The following FBLN2 variants were observed in gnomAD, a reference collection of about 807,000 sequenced individuals.
The protein encoded by FBLN2 is fibulin-2.
FBLN2 carries 81 observed loss-of-function variants against 123.7 expected under a neutral mutation model. The ratio of observed to expected loss-of-function variants is 0.65; its 90% CI spans 0.55 to 0.79. FBLN2 has a LOEUF of 0.79. Among genes scored for constraint, FBLN2 ranks in the 30% least tolerant of loss-of-function variants. The pLI, the probability that FBLN2 is intolerant of heterozygous loss-of-function variation, is 0.00. For synonymous variants in FBLN2, 699 were observed against 701.4 expected (o/e 1.00, Z 0.05); for missense variants, 1,603 against 1,681.3 (o/e 0.95, Z 0.81).
chr3:13,580,718 G>T (rs1244195323), intron 2 of FBLN2, among the ~76,000 whole-genome samples: 1 of 152,160 alleles, frequency 6.6e-6, no homozygotes, highest in Non-Finnish European at 1.5e-5. Context: ...TGCCATTCTC[G>T]CTAAACCAAT....
intron 2 of FBLN2, among the ~76,000 whole-genome samples, chr3:13,605,534 T>C (rs892315512): frequency 6.6e-6 from 1 of 152,228 alleles, no homozygotes; most frequent in Non-Finnish European, 1.5e-5. Context: ...GCTGTGTGTG[T>C]ATCCAGTCTA....
intron 1 of FBLN2, among the ~76,000 whole-genome samples, chr3:13,558,035 C>G (rs1008585281): frequency 2.0e-5 from 3 of 152,162 alleles, no homozygotes; most frequent in African/African-American, 7.2e-5. Flanking sequence ...GTACACTGGC[C>G]GCCTCACTGG....
chr3:13,629,969 C>A, intron 14 of FBLN2, 24 bp downstream of exon 14: 2 of 1,608,342 alleles, frequency 1.2e-6, no homozygotes, highest in Non-Finnish European at 1.7e-6. Context: ...CATCTCTGAC[C>A]CTATGCCGCC....
At chr3:13,626,690 C>T (rs11708577) in intron 10 of FBLN2, 111 bp downstream of exon 10, 17,371 of 1,117,644 alleles carry the variant, frequency 0.016, 168 homozygotes, top group Non-Finnish European at 0.018. Flanking sequence ...GGCCTGGCCA[C>T]GCCCCTCTCC....
chr3:13,594,279 C>G (rs892004312), intron 2 of FBLN2, among the ~76,000 whole-genome samples: 1 of 152,098 alleles, frequency 6.6e-6, no homozygotes, highest in Admixed American at 6.6e-5. Context: ...CCCACTTGCC[C>G]GGGCTTGATG....
chr3:13,577,876 C>T (rs996554787), intron 2 of FBLN2, among the ~76,000 whole-genome samples: 3 of 152,218 alleles, frequency 2.0e-5, no homozygotes. Context: ...CAAGTTTCAC[C>T]CTGTGGCAAC....
In FBLN2 at chr3:13,626,502, A is replaced by T; in HGVS notation, c.2354A>T (p.Asn785Ile). The change falls in exon 10 of 18, where the codon AAC becomes ATC. Residue 785 changes from asparagine to isoleucine, a missense_variant. Asn to Ile is a moderately radical substitution (Grantham distance 149). Coordinates refer to ENST00000404922, the MANE Select transcript of FBLN2 (RefSeq NM_001004019.2). Reference protein sequence around the residue: ...HTCSRGEHCVNTLGSFHCYKA... With the variant: ...HTCSRGEHCVITLGSFHCYKA... Reference sequence around the variant, plus strand: ...TGCAGCCGGGGCGAGCACTGTGTGAACACACTGGGCTCCTTCCACTGCTAC... The same window carrying T: ...TGCAGCCGGGGCGAGCACTGTGTGATCACACTGGGCTCCTTCCACTGCTAC... 3 of 1,571,420 alleles carry T rather than the reference A, an allele frequency of 1.9e-6. No individual in the cohort carries two copies. Among genetic ancestry groups the T allele is most frequent in the Non-Finnish European group, 2.6e-6 (3 of 1,158,230 alleles).
chr3:13,560,252 G>C (rs1703568023), intron 1 of FBLN2, among the ~76,000 whole-genome samples: 1 of 151,766 alleles, frequency 6.6e-6, no homozygotes, highest in Admixed American at 6.6e-5. Context: ...TTTTTTTTAG[G>C]GAGGAGAGGG....
chr3:13,629,675 T>C, intron 13 of FBLN2, 145 bp from the exon 14 acceptor site: 1 of 1,184,342 alleles, frequency 8.4e-7, no homozygotes, highest in Non-Finnish European at 1.2e-6. Context: ...TTTGCCTCTC[T>C]CTTTCCCTGT....
intron 4 of FBLN2, 123 bp downstream of exon 4, chr3:13,609,765 C>A: frequency 8.7e-7 from 1 of 1,146,226 alleles, no homozygotes; most frequent in Non-Finnish European, 1.2e-6. Context: ...CTGGGAGTGA[C>A]CCTCACGCCT....
Position 13,638,014 on chromosome 3 carries a change from T to G in FBLN2, c.*95T>G. The G allele has an allele frequency of 8.4e-7, 1 of 1,184,698 alleles. No individual in the cohort carries two copies. 73.4% of individuals were successfully genotyped at this position (1,184,698 alleles called of 1,614,324 possible). A position where few individuals can be genotyped will look rare whatever the true frequency, so the allele number is the denominator to read the frequency against. Reference sequence around the variant, plus strand: ...ACTATTGTGGTTTTTACTATAACTTTGTAAATTAACTTAATTTTGCTGACT... The same window carrying G: ...ACTATTGTGGTTTTTACTATAACTTGGTAAATTAACTTAATTTTGCTGACT... On this transcript the variant is annotated 3_prime_UTR_variant, in exon 18 of 18. Coordinates refer to ENST00000404922, the MANE Select transcript of FBLN2 (RefSeq NM_001004019.2).
intron 1 of FBLN2, among the ~76,000 whole-genome samples, chr3:13,558,378 C>A (rs4684954): frequency 5.3e-5 from 8 of 151,638 alleles, no homozygotes; most frequent in South Asian, 2.1e-4. Flanking sequence ...CCACTCCCCC[C>A]ACCCCGCCAC....
rs138954040 is a variant in FBLN2, at chr3:13,605,227, C to T, written c.1307-2835C>T. Among the ~76,000 whole-genome samples the T allele has an allele frequency of 2.1e-3, 323 of 152,280 alleles. 1 individual carries two copies. The highest frequency in any genetic ancestry group is 3.5e-3 in the Non-Finnish European group (239 of 68,016). Reference sequence around the variant, plus strand: ...AAACGCTTGGGTTAATTACACGTCTCATTTCTTGGCATGGCTCTTATTATC... The same window carrying T: ...AAACGCTTGGGTTAATTACACGTCTTATTTCTTGGCATGGCTCTTATTATC... On this transcript the variant is annotated intron_variant, in intron 2 of 17. Coordinates refer to ENST00000404922, the MANE Select transcript of FBLN2 (RefSeq NM_001004019.2).
chr3:13,604,898 C>T (rs562783191), intron 2 of FBLN2, among the ~76,000 whole-genome samples: 5 of 152,352 alleles, frequency 3.3e-5, no homozygotes, highest in African/African-American at 4.8e-5. Flanking sequence ...GCTCTTGCTC[C>T]GGTTGGAGTG....
intron 9 of FBLN2, among the ~76,000 whole-genome samples, chr3:13,622,293 T>G (rs1469645853): frequency 2.0e-5 from 3 of 152,174 alleles, no homozygotes; most frequent in Non-Finnish European, 4.4e-5. Context: ...CTCCGTGGCC[T>G]TGGATGAATG....
At chr3:13,582,200 C>T (rs984107267) in intron 2 of FBLN2, among the ~76,000 whole-genome samples, 4 of 152,112 alleles carry the variant, frequency 2.6e-5, no homozygotes, top group Non-Finnish European at 5.9e-5. Context: ...GAGAGGGTGG[C>T]GGCCTTCGAG....
chr3:13,555,205 G>A (rs1167871971), intron 1 of FBLN2, among the ~76,000 whole-genome samples: 1 of 152,038 alleles, frequency 6.6e-6, no homozygotes, highest in Non-Finnish European at 1.5e-5. Context: ...ACCTGTCTTG[G>A]CCTCCCAAAG....
Position 13,621,879 on chromosome 3 carries a change from G to A in FBLN2, c.2260G>A (p.Asp754Asn), listed in dbSNP as rs748072635. 2.5e-6 allele frequency: 4 copies of A among 1,613,660 alleles called. No individual in the cohort carries two copies. The highest frequency in any genetic ancestry group is 1.3e-5 in the African/African-American group (1 of 74,910). The change falls in exon 9 of 18, where the codon GAT (aspartate) becomes AAT (asparagine). Residue 754 changes from aspartate (D) to asparagine (N), a missense_variant. Asp to Asn is a conservative substitution (Grantham distance 23, BLOSUM62 1). Coordinates refer to ENST00000404922, the MANE Select transcript of FBLN2 (RefSeq NM_001004019.2). Reference protein sequence around the residue: ...YCVNHTVLCADGYILNAHRKC... With the variant: ...YCVNHTVLCANGYILNAHRKC... ...TGTCAACCACACAGTGCTCTGTGCC[G>A]ATGGCTATATCCTCAATGCGCACAG...
intron 4 of FBLN2, chr3:13,613,763 A>T (rs1705480352): frequency 4.1e-6 from 2 of 484,226 alleles, no homozygotes; most frequent in African/African-American, 3.9e-5. Flanking sequence ...CCTTCAACTA[A>T]AGGCCATTTA....
Sources: gnomAD v4.1 joint callset for allele counts (sites outside exome capture counted in the v4.1 genomes callset) on GRCh38, gnomAD v4.1.1 for gene constraint, MANE v1.5 for transcripts, NCBI Gene and HGNC (gene_info 2026-07-23, HGNC 2026-07-21) for gene names.